Variants in KLF13 observed in about 807,000 individuals in gnomAD.
The protein encoded by KLF13 is KLF transcription factor 13, also known as Krueppel-like factor 13.
A neutral mutation model predicts 16.7 loss-of-function variants in KLF13; 8 were observed. That is an observed-to-expected ratio of 0.48 (90% confidence interval 0.28 to 0.87). The LOEUF is 0.87. KLF13 is among the 40% of genes least tolerant of loss of function. KLF13 has a pLI of 0.10. For synonymous variants in KLF13, 245 were observed against 208.4 expected, an observed-to-expected ratio of 1.18 and a Z score of -1.51; for missense variants, 447 against 452.2, an observed-to-expected ratio of 0.99 and a Z score of 0.10.
At chr15:31,335,728 A>G (rs1206922670) in intron 1 of KLF13, among the ~76,000 whole-genome samples, 1 of 152,160 alleles carries the variant, frequency 6.6e-6, no homozygotes, top group Non-Finnish European at 1.5e-5. Flanking sequence ...TTGGGGAAGC[A>G]CTGAAGCTTG....
At position 31,375,919 on chromosome 15, in the gene KLF13, A is replaced by T. The variant is rs953894944; in HGVS notation, c.*3620A>T. 2 of 152,242 alleles carry T rather than the reference A, an allele frequency of 1.3e-5. No homozygotes were observed. The highest frequency in any genetic ancestry group is 2.9e-5 in the Non-Finnish European group (2 of 68,092). 9.4% of individuals were successfully genotyped at this position (152,242 alleles called of 1,614,324 possible). A position where few individuals can be genotyped will look rare whatever the true frequency, so the allele number is the denominator to read the frequency against. On this transcript the variant is annotated 3_prime_UTR_variant, in exon 2 of 2. Coordinates refer to ENST00000307145, the MANE Select transcript of KLF13 (RefSeq NM_015995.4). Reference sequence around the variant, plus strand: ...AACCCTGACTTTATTCCCAGGCCCCACACCGAGGCAGGTGCAGGATTCGCC... The same window carrying T: ...AACCCTGACTTTATTCCCAGGCCCCTCACCGAGGCAGGTGCAGGATTCGCC...
downstream of KLF13, among the ~76,000 whole-genome samples, chr15:31,405,998 G>A (rs1379146952): frequency 2.6e-5 from 4 of 152,136 alleles, no homozygotes; most frequent in Non-Finnish European, 5.9e-5. Flanking sequence ...GGAAACTAGA[G>A]AAAGGACAAA....
At chr15:31,416,049 CCAA>C (rs1417848069) in intron 1 of KLF13, among the ~76,000 whole-genome samples, 3 of 152,014 alleles carry the variant, frequency 2.0e-5, no homozygotes, top group African/African-American at 7.2e-5. Flanking sequence ...CAATTGTATG[CCAA>C]CAAGTTACGT....
chr15:31,368,555 A>ATT (rs964652581), intron 1 of KLF13, among the ~76,000 whole-genome samples: 3 of 152,162 alleles, frequency 2.0e-5, no homozygotes, highest in Admixed American at 6.5e-5. Context: ...AATACATAGG[A>ATT]TTTTTTTAAA....
At chr15:31,340,026 C>T (rs551614604) in intron 1 of KLF13, 2 of 702,384 alleles carry the variant, frequency 2.8e-6, no homozygotes, top group South Asian at 1.5e-5. Flanking sequence ...ATTTTACTGT[C>T]AGTAGGGCTG....
chr15:31,400,148 A>T (rs1383294639), intron 2 of KLF13, among the ~76,000 whole-genome samples: 1 of 151,834 alleles, frequency 6.6e-6, no homozygotes, highest in Non-Finnish European at 1.5e-5. Context: ...TTCCACCCCC[A>T]CTCTGCTCTC....
rs899608029 is a variant in KLF13, at chr15:31,421,802, A to G, written n.118-13568A>G. ...ATGTCCTTTCCTGTCAGTAATTTTT[A>G]TATGTGTAAATAAAAAGAAATAGAG... is the stretch of plus-strand genomic sequence containing the variant. On this transcript the variant is annotated intron_variant and non_coding_transcript_variant, in intron 1 of 1. Coordinates refer to the KLF13 transcript ENST00000558225. Among the ~76,000 whole-genome samples the G allele has an allele frequency of 1.3e-5, 2 of 152,122 alleles. 1 individual carries two copies. Among genetic ancestry groups the G allele is most frequent in the Admixed American group, 1.3e-4 (2 of 15,262 alleles).
chr15:31,356,810 G>T (rs944621847), intron 1 of KLF13, among the ~76,000 whole-genome samples: 2 of 152,180 alleles, frequency 1.3e-5, no homozygotes, highest in Admixed American at 1.3e-4. Context: ...TTGCCTCTCA[G>T]GGCCTTTTGG....
At position 31,372,630 on chromosome 15, in the gene KLF13, T is replaced by G; in HGVS notation, c.*331T>G. 1 of 284,040 alleles carries G rather than the reference T, an allele frequency of 3.5e-6. No individual in the cohort carries two copies. The highest frequency in any genetic ancestry group is 6.5e-6 in the Non-Finnish European group (1 of 153,450). 17.6% of individuals were successfully genotyped at this position (284,040 alleles called of 1,614,324 possible). On this transcript the variant is annotated 3_prime_UTR_variant, in exon 2 of 2. Coordinates refer to ENST00000307145, the MANE Select transcript of KLF13 (RefSeq NM_015995.4). ...TGTACATAGATTTGCACTCTGGAGT[T>G]TTCTGTTAGGTTCGGGAACACGCTG...
At chr15:31,424,379 G>A (rs938585750) in intron 1 of KLF13, among the ~76,000 whole-genome samples, 5 of 152,062 alleles carry the variant, frequency 3.3e-5, no homozygotes, top group African/African-American at 1.2e-4. Context: ...CCATGACCAA[G>A]TGGGATTTAT....
chr15:31,328,768 A>G (rs551357964), intron 1 of KLF13, among the ~76,000 whole-genome samples: 1 of 152,286 alleles, frequency 6.6e-6, no homozygotes, highest in East Asian at 1.9e-4. Context: ...TTTTTAACAT[A>G]AAGATGAAAA....
At chr15:31,361,084 A>G (rs2039376163) in intron 1 of KLF13, among the ~76,000 whole-genome samples, 1 of 152,172 alleles carries the variant, frequency 6.6e-6, no homozygotes, top group African/African-American at 2.4e-5. Context: ...GAGGTCCCCC[A>G]CAGGTCCTCA....
At chr15:31,421,616 C>G (rs11638632) in intron 1 of KLF13, among the ~76,000 whole-genome samples, 4 of 151,654 alleles carry the variant, frequency 2.6e-5, no homozygotes, top group African/African-American at 9.7e-5. Flanking sequence ...CCATGGTAAT[C>G]ACAAAGGAAA....
intron 1 of KLF13, among the ~76,000 whole-genome samples, chr15:31,368,803 C>G (rs770094314): frequency 2.6e-5 from 4 of 151,836 alleles, no homozygotes; most frequent in African/African-American, 9.7e-5. Context: ...AGTGACAGAG[C>G]AAGACTCTAT....
chr15:31,425,760 C>T (rs2040393188), intron 1 of KLF13, among the ~76,000 whole-genome samples: 1 of 152,074 alleles, frequency 6.6e-6, no homozygotes, highest in Non-Finnish European at 1.5e-5. Context: ...GCCTGTAATC[C>T]CAGCTACTTG....
chr15:31,398,203 C>T (rs1389256016), intron 2 of KLF13, among the ~76,000 whole-genome samples: 4 of 152,172 alleles, frequency 2.6e-5, no homozygotes, highest in African/African-American at 9.7e-5. Context: ...GTGGTGTTTT[C>T]AGAGATTCTC....
At chr15:31,397,386 C>T (rs973309583) in intron 2 of KLF13, among the ~76,000 whole-genome samples, 14 of 152,252 alleles carry the variant, frequency 9.2e-5, no homozygotes, top group African/African-American at 3.4e-4. Flanking sequence ...CGCCCATTGC[C>T]GACCATTCTC....
chr15:31,371,949 C>T (rs1349988785), intron 1 of KLF13, 61 bp from the exon 2 acceptor site: 1 of 1,516,592 alleles, frequency 6.6e-7, no homozygotes, highest in Non-Finnish European at 8.9e-7. Flanking sequence ...GGCCCTTCCC[C>T]AGAGAGGGTG....
At chr15:31,412,077 G>T (rs1270836060) in intron 1 of KLF13, among the ~76,000 whole-genome samples, 2 of 152,140 alleles carry the variant, frequency 1.3e-5, no homozygotes, top group Non-Finnish European at 2.9e-5. Context: ...TTAAGAGGTG[G>T]GCCTTTGGGA....
Sources: allele counts gnomAD v4.1 joint callset (sites outside exome capture counted in the v4.1 genomes callset), GRCh38; gene constraint gnomAD v4.1.1; transcripts MANE v1.5; gene names NCBI Gene and HGNC (gene_info 2026-07-23, HGNC 2026-07-21).